The following KHDRBS2 variants were observed in gnomAD, a reference collection of about 807,000 sequenced individuals.
The protein encoded by KHDRBS2 is KH domain-containing, RNA-binding, signal transduction-associated protein 2.
KHDRBS2 carries 26 observed loss-of-function variants against 44.3 expected under a neutral mutation model. That is an observed-to-expected ratio of 0.59 (90% CI 0.43 to 0.81). The LOEUF (loss-of-function observed/expected upper bound fraction) is 0.81. Among genes scored for constraint, KHDRBS2 ranks in the 40% least tolerant of loss-of-function variants. The probability of loss-of-function intolerance (pLI) is 0.00; values close to 1 mark genes in which losing one functional copy is unlikely to be tolerated. For missense variants in KHDRBS2, 476 were observed against 433.1 expected (o/e 1.10, Z -0.88); for synonymous variants, 194 against 151.1 (o/e 1.28, Z -2.08).
intron 6 of KHDRBS2, among the ~76,000 whole-genome samples, chr6:61,799,634 A>T (rs1013328259): frequency 1.3e-5 from 2 of 151,958 alleles, no homozygotes; most frequent in Non-Finnish European, 2.9e-5. Flanking sequence ...ACCTGCCATC[A>T]AAACTACCCT....
At chr6:61,749,443 TCAAA>T (rs2127567926) in intron 6 of KHDRBS2, among the ~76,000 whole-genome samples, 1 of 152,318 alleles carries the variant, frequency 6.6e-6, no homozygotes, top group African/African-American at 2.4e-5. Flanking sequence ...CTTCTTTAGT[TCAAA>T]CTTTACTGTA....
the KHDRBS2 span, among the ~76,000 whole-genome samples, chr6:61,592,406 C>A: frequency 6.6e-6 from 1 of 152,024 alleles, no homozygotes; most frequent in East Asian, 1.9e-4. Flanking sequence ...GTAAGGCCAG[C>A]AAAGATAGTC....
chr6:61,575,579 C>G, the KHDRBS2 span, among the ~76,000 whole-genome samples: 2 of 152,094 alleles, frequency 1.3e-5, no homozygotes, highest in Admixed American at 1.3e-4. Context: ...GTAGAACTAC[C>G]ACTTCATCCA....
intron 4 of KHDRBS2, among the ~76,000 whole-genome samples, chr6:61,924,536 A>C (rs16900651): frequency 0.067 from 10,230 of 152,054 alleles, 410 homozygotes; most frequent in Middle Eastern, 0.13. Flanking sequence ...TGTGATGAAC[A>C]CTATAATTTT....
At chr6:62,223,890 T>C (rs1313204533) in intron 1 of KHDRBS2, among the ~76,000 whole-genome samples, 1 of 152,158 alleles carries the variant, frequency 6.6e-6, no homozygotes, top group African/African-American at 2.4e-5. Flanking sequence ...TGAAAGCTAT[T>C]CAACAAGTCT....
intron 7 of KHDRBS2, among the ~76,000 whole-genome samples, chr6:61,731,503 A>G (rs1372922741): frequency 2.0e-5 from 3 of 152,048 alleles, no homozygotes; most frequent in Non-Finnish European, 4.4e-5. Context: ...TATCTTCAAT[A>G]CTTTTACTGT....
At chr6:61,855,146 T>C (rs1384776156) in intron 6 of KHDRBS2, among the ~76,000 whole-genome samples, 1 of 152,116 alleles carries the variant, frequency 6.6e-6, no homozygotes, top group Non-Finnish European at 1.5e-5. Flanking sequence ...GTCCTTTTAT[T>C]GACACCATAG....
At chr6:61,802,992 A>G (rs1396868069) in intron 6 of KHDRBS2, among the ~76,000 whole-genome samples, 5 of 152,188 alleles carry the variant, frequency 3.3e-5, no homozygotes, top group African/African-American at 1.2e-4. Flanking sequence ...TTGAAAATTT[A>G]TGGGGATAAA....
At chr6:61,855,746 TC>T in intron 6 of KHDRBS2, among the ~76,000 whole-genome samples, 1 of 152,072 alleles carries the variant, frequency 6.6e-6, no homozygotes, top group Non-Finnish European at 1.5e-5. Context: ...GGAACAGCAG[TC>T]TATAGATAAA....
At chr6:61,924,216 A>G (rs1039659538) in intron 4 of KHDRBS2, among the ~76,000 whole-genome samples, 78 of 152,186 alleles carry the variant, frequency 5.1e-4, no homozygotes, top group African/African-American at 1.9e-3. Flanking sequence ...TTCAATATTG[A>G]TAAGTTATCA....
intron 8 of KHDRBS2, among the ~76,000 whole-genome samples, chr6:61,694,378 A>G (rs572501771): frequency 2.0e-5 from 3 of 152,312 alleles, no homozygotes; most frequent in Non-Finnish European, 4.4e-5. Context: ...TCAACACCAA[A>G]TAGCAGAAAC....
At chr6:62,258,661 A>C (rs904365741) in intron 1 of KHDRBS2, among the ~76,000 whole-genome samples, 7 of 152,070 alleles carry the variant, frequency 4.6e-5, no homozygotes, top group African/African-American at 1.7e-4. Context: ...GTACATATTA[A>C]ATATAAATGA....
chr6:61,991,682 C>T (rs1291403434), intron 3 of KHDRBS2, among the ~76,000 whole-genome samples: 1 of 152,146 alleles, frequency 6.6e-6, no homozygotes, highest in East Asian at 1.9e-4. Context: ...CCAAATGCCT[C>T]TTTTTGAAAT....
At chr6:61,562,848 T>G in the KHDRBS2 span, among the ~76,000 whole-genome samples, 1 of 152,162 alleles carries the variant, frequency 6.6e-6, no homozygotes, top group African/African-American at 2.4e-5. Context: ...TATAAATTAT[T>G]TTTGACAAAT....
intron 2 of KHDRBS2, among the ~76,000 whole-genome samples, chr6:62,062,160 C>A (rs992788765): frequency 6.7e-6 from 1 of 148,476 alleles, no homozygotes; most frequent in African/African-American, 2.5e-5. Flanking sequence ...GAGACTTAGA[C>A]TCCCACACAT....
Position 62,072,530 on chromosome 6 carries a change from A to G in KHDRBS2, c.220-24536T>C, listed in dbSNP as rs1584516983. ...GATACATCTCATTAATACCTAATTT[A>G]TTGAGAGTTTTTATCATGAAGGGTT... On this transcript the variant is annotated intron_variant, in intron 2 of 8. Transcript: ENST00000281156. Among the ~76,000 whole-genome samples, 4 of 152,212 alleles carry G rather than the reference A, an allele frequency of 2.6e-5. No homozygotes were observed. In the Middle Eastern group the frequency reaches 0.014, roughly 518 times the overall value.
intron 4 of KHDRBS2, among the ~76,000 whole-genome samples, chr6:61,941,172 T>C (rs1812056144): frequency 6.6e-6 from 1 of 152,122 alleles, no homozygotes; most frequent in Non-Finnish European, 1.5e-5. Flanking sequence ...CAATAATCAT[T>C]GGCATCTGAA....
At chr6:61,699,331 T>C (rs1370231792) in intron 7 of KHDRBS2, among the ~76,000 whole-genome samples, 1 of 152,100 alleles carries the variant, frequency 6.6e-6, no homozygotes, top group Admixed American at 6.6e-5. Flanking sequence ...TTAATCTTAC[T>C]GAGGGATCTA....
intron 4 of KHDRBS2, among the ~76,000 whole-genome samples, chr6:61,949,897 G>C (rs1157575559): frequency 6.6e-6 from 1 of 151,860 alleles, no homozygotes; most frequent in African/African-American, 2.4e-5. Flanking sequence ...AATAGAAATT[G>C]GCAATATTAG....
Sources: allele counts gnomAD v4.1 joint callset (sites outside exome capture counted in the v4.1 genomes callset), GRCh38; gene constraint gnomAD v4.1.1; transcripts MANE v1.5; gene names NCBI Gene and HGNC (gene_info 2026-07-23, HGNC 2026-07-21).